Variants in CAMTA1 observed in about 807,000 individuals in gnomAD.
CAMTA1 encodes calmodulin binding transcription activator 1, also known as calmodulin-binding transcription activator 1.
In CAMTA1, 27 loss-of-function variants were observed where a neutral mutation model predicts 170.9. The observed-to-expected ratio is 0.16, with a 90% confidence interval of 0.12 to 0.22. The LOEUF is 0.22. CAMTA1 is among the 10% of genes least tolerant of loss of function. CAMTA1 has a pLI of 1.00. For missense variants in CAMTA1, 1,619 were observed against 2,217.2 expected (o/e 0.73, Z 5.42); for synonymous variants, 833 against 891.5 (o/e 0.93, Z 1.17).
chr1:6,828,121 C>T (rs777280388), intron 3 of CAMTA1, among the ~76,000 whole-genome samples: 8 of 152,076 alleles, frequency 5.3e-5, no homozygotes, highest in Non-Finnish European at 2.9e-5. Context: ...TGTGTGCTCG[C>T]TCGCTCTCTC....
At chr1:6,861,555 C>T (rs2148900948) in intron 3 of CAMTA1, among the ~76,000 whole-genome samples, 1 of 152,172 alleles carries the variant, frequency 6.6e-6, no homozygotes, top group Admixed American at 6.5e-5. Context: ...GCTTAGTTCC[C>T]CTCACAAGGC....
At chr1:7,214,184 A>G (rs948871063) in intron 4 of CAMTA1, among the ~76,000 whole-genome samples, 2 of 152,168 alleles carry the variant, frequency 1.3e-5, no homozygotes, top group African/African-American at 4.8e-5. Flanking sequence ...GAATCGCCAC[A>G]CTGACTTCTA....
chr1:7,557,298 A>G lies in CAMTA1; in HGVS notation c.511-83102A>G, dbSNP rs1402948836. On this transcript the variant is annotated intron_variant, in intron 6 of 22. Coordinates refer to ENST00000303635, the MANE Select transcript of CAMTA1 (RefSeq NM_015215.4). ...ACTCCAGCCTGGGCGACAGAACAAG[A>G]CTCCGTTCAGAAAAAAAAAAAAAAA... 2.7e-5 allele frequency among the ~76,000 whole-genome samples: 4 copies of G among 147,566 alleles called. No individual in the cohort carries two copies. The East Asian group carries it at 8.7e-4, about 32-fold the overall frequency.
intron 5 of CAMTA1, among the ~76,000 whole-genome samples, chr1:7,373,838 G>A (rs2086656569): frequency 6.6e-6 from 1 of 152,106 alleles, no homozygotes; most frequent in East Asian, 1.9e-4. Context: ...TTGATAAAAG[G>A]CAGCATTTTC....
chr1:7,126,269 A>G (rs1573273424), intron 4 of CAMTA1, among the ~76,000 whole-genome samples: 1 of 152,040 alleles, frequency 6.6e-6, no homozygotes, highest in Admixed American at 6.6e-5. Flanking sequence ...AGTCCCGCAA[A>G]CCTAACAAAT....
chr1:6,836,613 G>C (rs372653624), intron 3 of CAMTA1, among the ~76,000 whole-genome samples: 12 of 152,142 alleles, frequency 7.9e-5, no homozygotes, highest in African/African-American at 2.9e-4. Context: ...GCATGTGCGC[G>C]TATGTGCATG....
At chr1:7,077,647 T>C (rs992295404) in intron 3 of CAMTA1, among the ~76,000 whole-genome samples, 1 of 152,064 alleles carries the variant, frequency 6.6e-6, no homozygotes, top group African/African-American at 2.4e-5. Flanking sequence ...AATTTTAAGA[T>C]GGCTGGCTTC....
chr1:6,811,644 A>T (rs1338097136), intron 1 of CAMTA1, among the ~76,000 whole-genome samples: 1 of 152,222 alleles, frequency 6.6e-6, no homozygotes, highest in East Asian at 1.9e-4. Context: ...GTAGTTTTAT[A>T]GTAATCAAGC....
At chr1:6,882,431 A>G (rs1428494326) in intron 3 of CAMTA1, among the ~76,000 whole-genome samples, 3 of 152,192 alleles carry the variant, frequency 2.0e-5, no homozygotes, top group Admixed American at 6.5e-5. Flanking sequence ...GCAGGAAGAA[A>G]TGGTCATATA....
intron 3 of CAMTA1, among the ~76,000 whole-genome samples, chr1:6,889,110 C>G (rs751243274): frequency 6.6e-6 from 1 of 152,176 alleles, no homozygotes; most frequent in Non-Finnish European, 1.5e-5. Flanking sequence ...TATTTCTGAT[C>G]AAACCATTAA....
chr1:6,951,344 C>T (rs971632671), intron 3 of CAMTA1, among the ~76,000 whole-genome samples: 4 of 152,152 alleles, frequency 2.6e-5, no homozygotes, highest in African/African-American at 7.2e-5. Context: ...GTCACTTAAC[C>T]TCTCTGAGCC....
At chr1:7,464,730 G>C (rs1305726425) in intron 5 of CAMTA1, among the ~76,000 whole-genome samples, 2 of 152,144 alleles carry the variant, frequency 1.3e-5, no homozygotes, top group African/African-American at 2.4e-5. Context: ...GACAATCACT[G>C]ATGAGGGTGC....
chr1:7,760,001 G>T (rs181055127), intron 22 of CAMTA1, among the ~76,000 whole-genome samples: 1 of 152,126 alleles, frequency 6.6e-6, no homozygotes, highest in Non-Finnish European at 1.5e-5. Flanking sequence ...CTGTGAGAAG[G>T]CTTTATAAAC....
chr1:7,104,111 TGTACACACAACACACATAACTACACAC>T (rs200752075), intron 4 of CAMTA1, among the ~76,000 whole-genome samples: 37,059 of 121,268 alleles, frequency 0.31, 4,689 homozygotes, highest in African/African-American at 0.35. Flanking sequence ...ACTACACACA[TGTACACACAACACACATAACTACACAC>T]GTACACACAA....
chr1:6,910,060 C>T (rs1679372120), intron 3 of CAMTA1, among the ~76,000 whole-genome samples: 2 of 152,350 alleles, frequency 1.3e-5, no homozygotes, highest in South Asian at 4.1e-4. Flanking sequence ...TGCAGCAATC[C>T]TTGTTTGCTT....
chr1:7,038,395 C>A (rs1471308014), intron 3 of CAMTA1, among the ~76,000 whole-genome samples: 1 of 152,064 alleles, frequency 6.6e-6, no homozygotes, highest in Non-Finnish European at 1.5e-5. Flanking sequence ...GAGATCAATG[C>A]CATATATTAA....
intron 14 of CAMTA1, 123 bp downstream of exon 14, chr1:7,737,132 A>C: frequency 7.5e-7 from 1 of 1,328,556 alleles, no homozygotes; most frequent in East Asian, 2.3e-5. Flanking sequence ...TGGGATGGGA[A>C]TCTTCAATGG....
At position 7,670,903 on chromosome 1, in the gene CAMTA1, C is replaced by T; in HGVS notation, c.2653-8C>T. ...CTCCAACTCTGTTCCCCTCTCTGTT[C>T]TCTGCAGGGAGGAGTGAAGGTCCTC... is the stretch of plus-strand genomic sequence containing the variant. On this transcript the variant is annotated splice_polypyrimidine_tract_variant and splice_region_variant and intron_variant, in intron 9 of 22. Coordinates refer to ENST00000303635, the MANE Select transcript of CAMTA1 (RefSeq NM_015215.4). 1.2e-6 allele frequency: 2 copies of T among 1,613,404 alleles called. No homozygotes were observed. Among genetic ancestry groups the T allele is most frequent in the Non-Finnish European group, 1.7e-6 (2 of 1,179,750 alleles).
intron 5 of CAMTA1, among the ~76,000 whole-genome samples, chr1:7,256,633 G>T (rs1031120094): frequency 2.3e-4 from 35 of 152,306 alleles, no homozygotes; most frequent in African/African-American, 7.7e-4. Context: ...CAAAGGCCTG[G>T]CAGGGTGCTG....
Sources: allele counts gnomAD v4.1 joint callset (sites outside exome capture counted in the v4.1 genomes callset), GRCh38; gene constraint gnomAD v4.1.1; transcripts MANE v1.5; gene names NCBI Gene and HGNC (gene_info 2026-07-23, HGNC 2026-07-21).